Variants in CMSS1 observed in about 807,000 individuals in gnomAD.
CMSS1 encodes protein CMSS1.
Under a neutral mutation model 43.5 loss-of-function variants are expected in CMSS1, and 33 were observed. The ratio of observed to expected loss-of-function variants is 0.76; its 90% CI spans 0.57 to 1.01. The LOEUF is 1.01. CMSS1 is among the 50% of genes least tolerant of loss of function. CMSS1 has a pLI of 0.00. For synonymous variants in CMSS1, 115 were observed against 117.2 expected, an observed-to-expected ratio of 0.98 and a Z score of 0.12; for missense variants, 313 against 326.4, an observed-to-expected ratio of 0.96 and a Z score of 0.32.
At chr3:100,053,986 A>G (rs1340134348) in intron 1 of CMSS1, among the ~76,000 whole-genome samples, 2 of 152,230 alleles carry the variant, frequency 1.3e-5, no homozygotes, top group African/African-American at 2.4e-5. Context: ...TGTTCTTTGT[A>G]TATCTGGACA....
chr3:99,886,923 T>C (rs1705919261), intron 1 of CMSS1, among the ~76,000 whole-genome samples: 1 of 144,920 alleles, frequency 6.9e-6, no homozygotes, highest in East Asian at 2.1e-4. Flanking sequence ...TGAGCCAAGA[T>C]CATGCAACTG....
At chr3:99,858,053 C>A (rs1455074675) in intron 1 of CMSS1, among the ~76,000 whole-genome samples, 1 of 152,110 alleles carries the variant, frequency 6.6e-6, no homozygotes, top group Non-Finnish European at 1.5e-5. Context: ...TAGTTCGTAA[C>A]CTTTTAGGTC....
At chr3:99,955,664 G>T (rs1708300999) in intron 1 of CMSS1, among the ~76,000 whole-genome samples, 1 of 152,160 alleles carries the variant, frequency 6.6e-6, no homozygotes, top group African/African-American at 2.4e-5. Context: ...ACTCTTTGAT[G>T]ATAATGAAAT....
At chr3:100,137,032 A>G (rs1460233295) in intron 1 of CMSS1, among the ~76,000 whole-genome samples, 2 of 152,212 alleles carry the variant, frequency 1.3e-5, no homozygotes, top group Non-Finnish European at 2.9e-5. Flanking sequence ...CGGCCTTCAC[A>G]GAGTTCAGTC....
chr3:99,873,093 A>G (rs548902166), intron 1 of CMSS1, among the ~76,000 whole-genome samples: 2 of 152,346 alleles, frequency 1.3e-5, no homozygotes, highest in South Asian at 4.1e-4. Flanking sequence ...CACTTTAAGC[A>G]TAAGTGACTG....
At chr3:99,869,056 C>A (rs753187862) in intron 1 of CMSS1, among the ~76,000 whole-genome samples, 5 of 152,322 alleles carry the variant, frequency 3.3e-5, no homozygotes, top group Non-Finnish European at 7.4e-5. Flanking sequence ...GGGAGTATAA[C>A]CATCCCTTAG....
chr3:99,983,599 A>G (rs1350795189), intron 1 of CMSS1, among the ~76,000 whole-genome samples: 1 of 146,450 alleles, frequency 6.8e-6, no homozygotes, highest in Non-Finnish European at 1.5e-5. Flanking sequence ...TTGAGGCAAG[A>G]TAATTGCTTG....
intron 1 of CMSS1, among the ~76,000 whole-genome samples, chr3:99,941,811 T>C (rs963088527): frequency 1.1e-4 from 17 of 152,204 alleles, no homozygotes; most frequent in African/African-American, 4.1e-4. Context: ...TCTATTATAT[T>C]GTTTTCATAT....
chr3:100,010,917 G>T (rs1187682371), intron 1 of CMSS1, among the ~76,000 whole-genome samples: 1 of 150,686 alleles, frequency 6.6e-6, no homozygotes, highest in African/African-American at 2.4e-5. Flanking sequence ...GTGAGCCACC[G>T]CGCCCAGCTG....
At chr3:100,146,844 C>T in intron 1 of CMSS1, 129 bp from the exon 2 acceptor site, 1 of 1,195,790 alleles carries the variant, frequency 8.4e-7, no homozygotes, top group Non-Finnish European at 1.1e-6. Context: ...GGACCATTTC[C>T]TTAAGTGCAG....
chr3:100,018,081 C>T, intron 1 of CMSS1, among the ~76,000 whole-genome samples: 1 of 152,212 alleles, frequency 6.6e-6, no homozygotes, highest in Non-Finnish European at 1.5e-5. Context: ...GTAATCTCAG[C>T]ACTTTGGGAG....
intron 1 of CMSS1, among the ~76,000 whole-genome samples, chr3:99,870,120 G>A (rs1253452164): frequency 6.6e-6 from 1 of 152,138 alleles, no homozygotes; most frequent in East Asian, 1.9e-4. Context: ...GAGGGTTATT[G>A]CTCATTATTC....
intron 1 of CMSS1, among the ~76,000 whole-genome samples, chr3:99,985,270 G>A (rs1016657259): frequency 5.3e-5 from 8 of 152,088 alleles, no homozygotes; most frequent in Non-Finnish European, 5.9e-5. Context: ...GGTGGCTCAC[G>A]CCTGTAATTC....
intron 1 of CMSS1, among the ~76,000 whole-genome samples, chr3:99,830,839 G>A (rs1942647627): frequency 6.6e-6 from 1 of 152,214 alleles, no homozygotes; most frequent in Admixed American, 6.5e-5. Flanking sequence ...TAGATACAGA[G>A]ATGAATAGAT....
intron 1 of CMSS1, among the ~76,000 whole-genome samples, chr3:99,883,296 TCCATGACA>T (rs1019943510): frequency 2.0e-5 from 3 of 152,210 alleles, no homozygotes; most frequent in African/African-American, 7.2e-5. Context: ...TCTTCATCTT[TCCATGACA>T]CCATGTTGAA....
chr3:100,106,635 G>A (rs977455387), intron 1 of CMSS1, among the ~76,000 whole-genome samples: 2 of 152,138 alleles, frequency 1.3e-5, no homozygotes, highest in African/African-American at 4.8e-5. Context: ...GGTAAGGGCT[G>A]TAGGATCCAG....
intron 1 of CMSS1, among the ~76,000 whole-genome samples, chr3:99,856,309 T>A (rs1943963429): frequency 6.6e-6 from 1 of 152,196 alleles, no homozygotes; most frequent in African/African-American, 2.4e-5. Context: ...AGTATAGGTA[T>A]GAATAGTGGA....
chr3:99,883,019 T>C (rs1318888508), intron 1 of CMSS1, among the ~76,000 whole-genome samples: 1 of 142,750 alleles, frequency 7.0e-6, no homozygotes, highest in Non-Finnish European at 1.6e-5. Context: ...TTGGGGGTTC[T>C]GTACATGAGA....
intron 1 of CMSS1, among the ~76,000 whole-genome samples, chr3:99,994,988 CT>C (rs1227756727): frequency 1.3e-5 from 2 of 152,158 alleles, no homozygotes; most frequent in Non-Finnish European, 2.9e-5. Flanking sequence ...CATTCCACCC[CT>C]GGCCCCTCCA....
Sources: gnomAD v4.1 joint callset for allele counts (sites outside exome capture counted in the v4.1 genomes callset) on GRCh38, gnomAD v4.1.1 for gene constraint, MANE v1.5 for transcripts, NCBI Gene and HGNC (gene_info 2026-07-23, HGNC 2026-07-21) for gene names.